CYRIB: variants seen among roughly 807,000 people sequenced by gnomAD.
CYRIB encodes CYFIP related Rac1 interactor B.
In CYRIB, 8 loss-of-function variants were observed where a neutral mutation model predicts 44.2. The observed-to-expected ratio is 0.18, with a 90% CI of 0.11 to 0.33. The LOEUF is 0.33. Ranked by LOEUF, CYRIB falls within the 10% of genes least tolerant of loss-of-function variation. The pLI, the probability that CYRIB is intolerant of heterozygous loss-of-function variation, is 1.00. For synonymous variants in CYRIB, 131 were observed against 127.2 expected, an observed-to-expected ratio of 1.03 and a Z score of -0.20; for missense variants, 185 against 382.8, an observed-to-expected ratio of 0.48 and a Z score of 4.31.
intron 1 of CYRIB, among the ~76,000 whole-genome samples, chr8:129,915,464 T>TA (rs889990826): frequency 2.0e-5 from 3 of 152,190 alleles, no homozygotes; most frequent in East Asian, 1.9e-4. Flanking sequence ...ACCCTGTTTC[T>TA]AAAAAAATTA....
chr8:129,964,980 A>G (rs1014125104), intron 2 of CYRIB, among the ~76,000 whole-genome samples: 1 of 152,148 alleles, frequency 6.6e-6, no homozygotes, highest in African/African-American at 2.4e-5. Flanking sequence ...AGTGTTATGG[A>G]TGTGTGAGGA....
chr8:130,016,282 C>T (rs1269616707), intron 1 of CYRIB, 88 bp downstream of exon 1: 3 of 147,590 alleles, frequency 2.0e-5, no homozygotes, highest in African/African-American at 7.3e-5. Context: ...GCGCCCCGCA[C>T]CCCGCGCCCT....
chr8:129,902,915 T>C (rs1422162436), intron 2 of CYRIB: 2 of 152,456 alleles, frequency 1.3e-5, no homozygotes, highest in Non-Finnish European at 2.9e-5. Flanking sequence ...ACAGATAGAA[T>C]TCTTAAGATT....
At chr8:129,846,179 A>C (rs1170257275) in intron 11 of CYRIB, among the ~76,000 whole-genome samples, 1 of 152,212 alleles carries the variant, frequency 6.6e-6, no homozygotes. Flanking sequence ...TGAGCAACTA[A>C]ATTAAGTAAA....
chr8:129,985,023 G>A (rs2096400172), intron 1 of CYRIB, among the ~76,000 whole-genome samples: 1 of 152,174 alleles, frequency 6.6e-6, no homozygotes, highest in Middle Eastern at 3.2e-3. Context: ...GCCTGCCTCG[G>A]CCTCCCAAAG....
intron 1 of CYRIB, among the ~76,000 whole-genome samples, chr8:129,918,310 G>C: frequency 6.6e-6 from 1 of 152,270 alleles, no homozygotes; most frequent in African/African-American, 2.4e-5. Context: ...TCTATCTAAA[G>C]CAGGGGTCTG....
chr8:129,860,128 T>C (rs1452312125), intron 5 of CYRIB, among the ~76,000 whole-genome samples: 1 of 152,210 alleles, frequency 6.6e-6, no homozygotes, highest in Non-Finnish European at 1.5e-5. Context: ...TCTTCATAGT[T>C]GCATGCTGCT....
chr8:129,998,106 C>T (rs1419759356), intron 1 of CYRIB, among the ~76,000 whole-genome samples: 2 of 134,852 alleles, frequency 1.5e-5, no homozygotes, highest in Non-Finnish European at 3.0e-5. Context: ...GGTGACACAG[C>T]GAGACTCTGT....
At chr8:130,006,246 T>C (rs2097058965) in intron 1 of CYRIB, among the ~76,000 whole-genome samples, 1 of 151,820 alleles carries the variant, frequency 6.6e-6, no homozygotes, top group Admixed American at 6.6e-5. Flanking sequence ...GAGGTTGCAG[T>C]GAGCCGAGAT....
At chr8:129,879,471 C>T in exon 3 of CYRIB, 2 of 1,601,102 alleles carry the variant, frequency 1.2e-6, no homozygotes, top group South Asian at 1.1e-5. Context: ...TGTTAAGGTA[C>T]CTGTCAAGAC....
intron 2 of CYRIB, among the ~76,000 whole-genome samples, chr8:129,968,533 T>C (rs375261142): frequency 2.0e-5 from 3 of 152,212 alleles, no homozygotes; most frequent in African/African-American, 7.2e-5. Context: ...TAGTTTTTCA[T>C]TGTGAACTCG....
chr8:129,994,450 T>C (rs1028123204), intron 1 of CYRIB, among the ~76,000 whole-genome samples: 3 of 152,192 alleles, frequency 2.0e-5, no homozygotes, highest in Admixed American at 6.5e-5. Flanking sequence ...TTCTTTATCT[T>C]TGTATGCCTG....
intron 1 of CYRIB, among the ~76,000 whole-genome samples, chr8:129,990,029 T>C (rs1564660074): frequency 6.6e-6 from 1 of 152,144 alleles, no homozygotes; most frequent in Non-Finnish European, 1.5e-5. Flanking sequence ...CCCTTTCTTA[T>C]TTCACATCGT....
chr8:129,924,994 CCCT>C, intron 1 of CYRIB, among the ~76,000 whole-genome samples: 1 of 152,214 alleles, frequency 6.6e-6, no homozygotes. Context: ...CCCAGCTCAG[CCCT>C]ACACAGTACA....
rs1477553107 is a variant in CYRIB at position 129,862,346 on chromosome 8, A to G, written c.196-12T>C. On this transcript the variant is annotated splice_polypyrimidine_tract_variant and intron_variant, in intron 4 of 11. Coordinates refer to ENST00000519824, the Ensembl canonical transcript of CYRIB. Reference sequence around the variant, plus strand: ...GGATGCTGGATTGCCTTCAAAATCCAAAGAATAAAAATAGTTAGAGTTAAA... The same window carrying G: ...GGATGCTGGATTGCCTTCAAAATCCGAAGAATAAAAATAGTTAGAGTTAAA... 1.9e-6 allele frequency: 3 copies of G among 1,592,462 alleles called. No individual in the cohort carries two copies. In the South Asian group the frequency reaches 3.4e-5, roughly 18 times the overall value.
chr8:129,942,332 G>A (rs1230019181), upstream of CYRIB, among the ~76,000 whole-genome samples: 4 of 152,052 alleles, frequency 2.6e-5, no homozygotes, highest in Non-Finnish European at 4.4e-5. Context: ...AGCGAAACAC[G>A]TCTCAAAAAA....
At chr8:129,986,448 G>A (rs2096458927) in intron 1 of CYRIB, among the ~76,000 whole-genome samples, 1 of 152,228 alleles carries the variant, frequency 6.6e-6, no homozygotes, top group Non-Finnish European at 1.5e-5. Flanking sequence ...AATCCCCAAT[G>A]TGGCAGTGTT....
At position 129,892,476 on chromosome 8, in the gene CYRIB, A is replaced by AT. The variant is rs879669611; in HGVS notation, c.-11+10835dup. Among the ~76,000 whole-genome samples the AT allele has an allele frequency of 2.9e-3, 427 of 147,570 alleles. 1 individual carries two copies. Among genetic ancestry groups the AT allele is most frequent in the Non-Finnish European group, 4.0e-3 (264 of 66,364 alleles). ...ACATTTAATTACCAAAATTGTCAGA[A>AT]TTTTTTTTTTTTGTGGAGTAGCATT... is the stretch of plus-strand genomic sequence containing the variant. On this transcript the variant is annotated intron_variant, in intron 2 of 11. Transcript: ENST00000519824.
chr8:129,990,864 C>T (rs763134199), intron 1 of CYRIB, among the ~76,000 whole-genome samples: 3 of 152,100 alleles, frequency 2.0e-5, no homozygotes, highest in African/African-American at 4.8e-5. Context: ...GGCACGGTGG[C>T]TCACACCTAT....
Sources: gnomAD v4.1 joint callset for allele counts (sites outside exome capture counted in the v4.1 genomes callset) on GRCh38, gnomAD v4.1.1 for gene constraint, MANE v1.5 for transcripts, NCBI Gene and HGNC (gene_info 2026-07-23, HGNC 2026-07-21) for gene names.